Variants in RTEL1 observed in about 807,000 individuals in gnomAD.
RTEL1 encodes the protein regulator of telomere elongation helicase 1, also known as regulator of telomere length.
A neutral mutation model predicts 162.2 loss-of-function variants in RTEL1; 86 were observed. The ratio of observed to expected loss-of-function variants is 0.53; its 90% confidence interval spans 0.45 to 0.63. The LOEUF is 0.63. RTEL1 is among the 30% of genes least tolerant of loss of function. The pLI is 0.00. For synonymous variants in RTEL1, 958 were observed against 717.9 expected (o/e 1.33, Z -5.35); for missense variants, 1,941 against 1,750.2 (o/e 1.11, Z -1.95).
At chr20:63,693,396 T>C in intron 30 of RTEL1, 113 bp downstream of exon 30, 1 of 1,327,526 alleles carries the variant, frequency 7.5e-7, no homozygotes, top group East Asian at 2.4e-5. Context: ...CCCGCCTCTC[T>C]GTTCCCCTAT....
chr20:63,689,907 C>T (rs1180318671), intron 24 of RTEL1, 42 bp downstream of exon 24: 3 of 1,567,500 alleles, frequency 1.9e-6, no homozygotes, highest in South Asian at 1.1e-5. Context: ...AGGGGACACG[C>T]CCACACCCCA....
intron 15 of RTEL1, 56 bp from the exon 16 acceptor site, chr20:63,685,735 G>A: frequency 6.3e-7 from 1 of 1,592,184 alleles, no homozygotes; most frequent in Non-Finnish European, 8.6e-7. Flanking sequence ...AAAAGGTAAG[G>A]GGCTGCCCCC....
Position 63,695,849 on chromosome 20 carries a change from GC to G in RTEL1, c.3898del (p.Gln1300SerfsTer64). On this transcript the variant is annotated frameshift_variant, in exon 35 of 35. Transcript: ENST00000360203. LOFTEE classifies it high-confidence loss of function. ...GCGTCATGCAGGTCTTCTGGCCAGAGCCCCAGTGAGTGCCCACGGAGGCCCC... is the reference window on the plus strand; with the variant it reads ...GCGTCATGCAGGTCTTCTGGCCAGAGCCCAGTGAGTGCCCACGGAGGCCCC... The part of the protein sequence containing the change: ...QSVMQVFWPE[P>X]Q 6.3e-7 allele frequency: 1 copy of G among 1,589,784 alleles called. No individual in the cohort carries two copies. Among genetic ancestry groups the G allele is most frequent in the Non-Finnish European group, 8.5e-7 (1 of 1,169,714 alleles).
rs753884575 is a variant in RTEL1 at position 63,689,587 on chromosome 20, G to A, written c.1964G>A (p.Arg655Gln). The A allele has an allele frequency of 8.1e-6, 13 of 1,612,386 alleles. No individual in the cohort carries two copies. The highest frequency in any genetic ancestry group is 1.1e-5 in the South Asian group (1 of 91,048). ...GLPYPPRMDP[R>Q]VVLKMQFLDE... ...CCGTACCCCCCACGCATGGACCCCC[G>A]GGTTGTCCTCAAGATGCAGTTCCTG... Residue 655 changes from arginine to glutamine, a missense_variant, in exon 23 of 35, where the codon CGG becomes CAG. Arg to Gln is a conservative substitution (Grantham distance 43). Transcript: ENST00000360203.
Position 63,693,156 on chromosome 20 carries a change from T to C in RTEL1, c.2865T>C (p.Phe955=). 2 of 1,612,160 alleles carry C rather than the reference T, an allele frequency of 1.2e-6. No individual in the cohort carries two copies. The highest frequency in any genetic ancestry group is 8.5e-7 in the Non-Finnish European group (1 of 1,179,552). ...KHNLLQGFYQ[F]VRPHHKQQFE... Reference sequence around the variant, plus strand: ...CTTCCTCTACAGGCTTCTACCAGTTTGTGCGGCCCCACCATAAGCAGCAGT... The same window carrying C: ...CTTCCTCTACAGGCTTCTACCAGTTCGTGCGGCCCCACCATAAGCAGCAGT... Residue 955 remains phenylalanine (F), a synonymous_variant, in exon 30 of 35, where the codon TTT becomes TTC. Coordinates refer to ENST00000360203, the MANE Select transcript of RTEL1 (RefSeq NM_001283009.2).
chr20:63,694,629 G>A (rs531200261), intron 31 of RTEL1, 112 bp from the exon 32 acceptor site: 169 of 1,224,062 alleles, frequency 1.4e-4, no homozygotes, highest in African/African-American at 9.9e-4. Context: ...TCTGCACCCC[G>A]CAGTTGTCCT....
intron 8 of RTEL1, among the ~76,000 whole-genome samples, chr20:63,667,991 G>A (rs1351486088): frequency 1.4e-5 from 2 of 141,288 alleles, no homozygotes; most frequent in Non-Finnish European, 3.1e-5. Context: ...TCTTCCCAGT[G>A]CATGCCCGGC....
At chr20:63,692,667 A>T in intron 28 of RTEL1, 138 bp from the exon 29 acceptor site, 1 of 808,014 alleles carries the variant, frequency 1.2e-6, no homozygotes, top group Non-Finnish European at 2.0e-6. Context: ...CCATCCAGCC[A>T]GCCAGTTTCT....
intron 7 of RTEL1, among the ~76,000 whole-genome samples, chr20:63,666,879 G>A (rs887217744): frequency 1.9e-4 from 25 of 130,274 alleles, no homozygotes; most frequent in African/African-American, 2.7e-4. Context: ...TCGCTCTGTC[G>A]CCCAGGCTGG....
intron 28 of RTEL1, chr20:63,692,250 T>G: frequency 4.5e-6 from 1 of 222,116 alleles, no homozygotes; most frequent in South Asian, 6.6e-5. Context: ...CCATGTCCCT[T>G]GGCTTCTGGG....
At position 63,695,629 on chromosome 20, in the gene RTEL1, C is replaced by G. The variant is rs368388044; in HGVS notation, c.3801C>G (p.Ala1267=). 3 of 1,611,590 alleles carry G rather than the reference C, an allele frequency of 1.9e-6. No homozygotes were observed. Among genetic ancestry groups the G allele is most frequent in the Non-Finnish European group, 1.7e-6 (2 of 1,179,888 alleles). ...CPACDFQRCQ[A]CWQRHLQASR... ...CCTGTGACTTCCAGCGCTGCCAAGCCTGCTGGCAACGGCACCTTCAGGTTG... is the reference window on the plus strand; with the variant it reads ...CCTGTGACTTCCAGCGCTGCCAAGCGTGCTGGCAACGGCACCTTCAGGTTG... The change falls in exon 34 of 35, where the codon GCC becomes GCG. Residue 1267 remains alanine (A), a synonymous_variant. Coordinates refer to ENST00000360203, the MANE Select transcript of RTEL1 (RefSeq NM_001283009.2).
chr20:63,693,501 ACCACCACCT>A lies in RTEL1; in HGVS notation c.2992+221_2992+229del, dbSNP rs1281496330. Among the ~76,000 whole-genome samples the A allele has an allele frequency of 5.8e-3, 102 of 17,726 alleles. 3 individuals carry two copies. The highest frequency in any genetic ancestry group is 0.017 in the South Asian group (8 of 480). 11.6% of individuals were successfully genotyped at this position (17,726 alleles called of 152,430 possible). ...CACCTCCACCACCACCTCCACCTCCACCACCACCTCCTCCACCACCACCACCTCCACCAC... is the reference window on the plus strand; with the variant it reads ...CACCTCCACCACCACCTCCACCTCCACCTCCACCACCACCACCTCCACCAC... On this transcript the variant is annotated intron_variant, in intron 30 of 34. Transcript: ENST00000360203.
rs1052624956 is a variant in RTEL1, at chr20:63,668,530, G to A, written c.699+977G>A. 2.0e-5 allele frequency among the ~76,000 whole-genome samples: 3 copies of A among 152,174 alleles called. No individual in the cohort carries two copies. Among genetic ancestry groups the A allele is most frequent in the African/African-American group, 7.2e-5 (3 of 41,434 alleles). On this transcript the variant is annotated intron_variant, in intron 8 of 34. Transcript: ENST00000360203. This position sits in a 1 kb window ranked among gnomAD's most constrained non-coding sequence, Gnocchi z 4.3. Reference sequence around the variant, plus strand: ...GCCAAGCGGGCCCAAGTGCGATGTCGGCGGGAGGTGGGGAATGCTGGTGGG... The same window carrying A: ...GCCAAGCGGGCCCAAGTGCGATGTCAGCGGGAGGTGGGGAATGCTGGTGGG...
rs2090402456 is a variant in RTEL1, at chr20:63,678,460, T to A, written c.1037+114T>A. 2.9e-6 allele frequency: 3 copies of A among 1,031,078 alleles called. No individual in the cohort carries two copies. The East Asian group carries it at 7.8e-5, about 27-fold the overall frequency. 63.9% of individuals were successfully genotyped at this position (1,031,078 alleles called of 1,614,324 possible). On this transcript the variant is annotated intron_variant, in intron 12 of 34. Transcript: ENST00000360203. ...AGTGAGGCCTGTTTTCAGGCCTGTT[T>A]TCCCTTTTTGAGACCTGGGAGGAGC... is the stretch of plus-strand genomic sequence containing the variant.
In RTEL1 at chr20:63,693,337, G is replaced by A. The variant is rs567793671; in HGVS notation, c.2992+54G>A. On this transcript the variant is annotated intron_variant, in intron 30 of 34. Coordinates refer to ENST00000360203, the MANE Select transcript of RTEL1 (RefSeq NM_001283009.2). ...GACTCCTGCGTGGAAGGCAGTGTGG[G>A]CCAGAGTCCTGGGCTGCTTGGGGTG... The A allele has an allele frequency of 3.4e-5, 54 of 1,603,076 alleles. No individual in the cohort carries two copies. The East Asian group carries it at 1.0e-3, about 31-fold the overall frequency.
intron 2 of RTEL1, among the ~76,000 whole-genome samples, chr20:63,660,519 A>G (rs758913368): frequency 1.3e-5 from 2 of 152,186 alleles, no homozygotes; most frequent in Non-Finnish European, 2.9e-5. Context: ...GATTCCATAC[A>G]ACACATGTTT....
At chr20:63,694,299 G>GGCCCGCCCCCCCCCCC in intron 30 of RTEL1, 73 bp from the exon 31 acceptor site, 1 of 841,720 alleles carries the variant, frequency 1.2e-6, no homozygotes, top group East Asian at 2.8e-5. Context: ...TCCCTAGCCA[G>GGCCCGCCCCCCCCCCC]CCCTGCCCCC....
intron 8 of RTEL1, among the ~76,000 whole-genome samples, chr20:63,670,887 A>G (rs2146187729): frequency 6.6e-6 from 1 of 152,194 alleles, no homozygotes; most frequent in South Asian, 2.1e-4. Context: ...TGCAGTTGCC[A>G]AAACTGGGAA....
In RTEL1 at chr20:63,693,009, C is replaced by T; in HGVS notation, c.2851+6C>T. The T allele has an allele frequency of 6.2e-7, 1 of 1,612,424 alleles. No homozygotes were observed. The highest frequency in any genetic ancestry group is 8.5e-7 in the Non-Finnish European group (1 of 1,179,702). Reference sequence around the variant, plus strand: ...GAAGCACAACCTGCTCCAAGGTGCCCTGGCTTGCAGAGGCCACCCACCCTG... The same window carrying T: ...GAAGCACAACCTGCTCCAAGGTGCCTTGGCTTGCAGAGGCCACCCACCCTG... On this transcript the variant is annotated splice_donor_region_variant and intron_variant, in intron 29 of 34. Transcript: ENST00000360203.
Sources: allele counts gnomAD v4.1 joint callset (sites outside exome capture counted in the v4.1 genomes callset), GRCh38; gene constraint gnomAD v4.1.1; non-coding constraint Gnocchi (gnomAD v3.1); transcripts MANE v1.5; gene names NCBI Gene and HGNC (gene_info 2026-07-23, HGNC 2026-07-21).